Variants in GMDS observed in about 807,000 individuals in gnomAD.
GMDS encodes GDP-mannose 4,6-dehydratase, also known as GDP-mannose 4,6 dehydratase.
In GMDS, 20 loss-of-function variants were observed where a neutral mutation model predicts 49.9. The ratio of observed to expected loss-of-function variants is 0.40; its 90% CI spans 0.28 to 0.58. The LOEUF is 0.58. Ranked by LOEUF, GMDS falls within the 20% of genes least tolerant of loss-of-function variation. The pLI is 0.42. For synonymous variants in GMDS, 177 were observed against 178.6 expected, an observed-to-expected ratio of 0.99 and a Z score of 0.07; for missense variants, 362 against 481.4, an observed-to-expected ratio of 0.75 and a Z score of 2.32.
intron 4 of GMDS, among the ~76,000 whole-genome samples, chr6:2,113,052 C>T (rs1354345486): frequency 1.3e-5 from 2 of 152,168 alleles, no homozygotes; most frequent in Non-Finnish European, 2.9e-5. Context: ...TTTGAAGCTA[C>T]CTTATAGCCT....
intron 9 of GMDS, among the ~76,000 whole-genome samples, chr6:1,708,336 T>C (rs1561746080): frequency 6.6e-6 from 1 of 152,178 alleles, no homozygotes; most frequent in Non-Finnish European, 1.5e-5. Context: ...GCGAAGCGTG[T>C]TTGGAGAAGC....
At chr6:2,209,739 A>G (rs890144583) in intron 1 of GMDS, among the ~76,000 whole-genome samples, 9 of 152,204 alleles carry the variant, frequency 5.9e-5, no homozygotes, top group Non-Finnish European at 1.5e-5. Context: ...GACACGTAAG[A>G]AAAAATAATT....
intron 4 of GMDS, among the ~76,000 whole-genome samples, chr6:2,019,412 A>G (rs573975809): frequency 2.0e-5 from 3 of 151,980 alleles, no homozygotes; most frequent in African/African-American, 7.2e-5. Context: ...ATCTTTCACT[A>G]TTAAGTATGA....
intron 1 of GMDS, among the ~76,000 whole-genome samples, chr6:2,209,045 T>C (rs978144577): frequency 6.6e-6 from 1 of 152,152 alleles, no homozygotes; most frequent in Admixed American, 6.5e-5. Flanking sequence ...ACCTCCTTCA[T>C]GTTAACAGCA....
intron 4 of GMDS, among the ~76,000 whole-genome samples, chr6:2,052,116 C>CAAAAAAAAAAAAAAAAAAAAAA (rs1285013159): frequency 9.2e-4 from 40 of 43,554 alleles, no homozygotes; most frequent in East Asian, 2.6e-3. Context: ...GACTCTGTCT[C>CAAAAAAAAAAAAAAAAAAAAAA]AAAAAAAAAA....
At chr6:2,145,019 G>A (rs1022131643) in intron 1 of GMDS, among the ~76,000 whole-genome samples, 2 of 152,352 alleles carry the variant, frequency 1.3e-5, no homozygotes, top group Non-Finnish European at 1.5e-5. Context: ...CCAGTTGGCT[G>A]CTGTGCCTTG....
chr6:2,219,858 C>T (rs1045939651), intron 1 of GMDS, among the ~76,000 whole-genome samples: 4 of 152,174 alleles, frequency 2.6e-5, no homozygotes, highest in African/African-American at 9.7e-5. Context: ...ATCTGAAAAT[C>T]CAAAATGTCC....
At chr6:1,885,123 T>C (rs1184333845) in intron 7 of GMDS, among the ~76,000 whole-genome samples, 1 of 152,210 alleles carries the variant, frequency 6.6e-6, no homozygotes, top group Non-Finnish European at 1.5e-5. Context: ...AAGCCCTCGT[T>C]ATGGAGAAAC....
At chr6:2,121,433 AAAC>A (rs1377035535) in intron 2 of GMDS, among the ~76,000 whole-genome samples, 2 of 152,192 alleles carry the variant, frequency 1.3e-5, no homozygotes, top group Non-Finnish European at 2.9e-5. Flanking sequence ...TTCAAGAAAC[AAAC>A]AACATTAAAA....
chr6:2,043,505 TGGC>T (rs1282495618), intron 4 of GMDS: 1 of 152,274 alleles, frequency 6.6e-6, no homozygotes, highest in Admixed American at 6.5e-5. Context: ...CAGCAGCCCC[TGGC>T]ACAGAAACAC....
At chr6:2,030,985 T>C (rs1480016464) in intron 4 of GMDS, among the ~76,000 whole-genome samples, 2 of 152,204 alleles carry the variant, frequency 1.3e-5, no homozygotes, top group African/African-American at 2.4e-5. Context: ...CACGTAAAGA[T>C]GATCACATTA....
At position 1,857,844 on chromosome 6, in the gene GMDS, T is replaced by C. The variant is rs965187485; in HGVS notation, c.771+72259A>G. On this transcript the variant is annotated intron_variant, in intron 7 of 10. Transcript: ENST00000380815. ...TGCCACCCTTGTTAGGAACTGCATT[T>C]CTGTGATTATGATCAAAATATACTA... Among the ~76,000 whole-genome samples, 4 of 152,214 alleles carry C rather than the reference T, an allele frequency of 2.6e-5. No homozygotes were observed. The East Asian group carries it at 7.7e-4, about 29-fold the overall frequency.
In GMDS at chr6:1,938,848, G is replaced by A. The variant is rs755500349; in HGVS notation, c.644-8618C>T. On this transcript the variant is annotated intron_variant, in intron 6 of 10. Coordinates refer to ENST00000380815, the MANE Select transcript of GMDS (RefSeq NM_001500.4). ...AATTTTCATCTCTTTGCTCTTATCT[G>A]TAATAGTCTGGGTTAATTTCCGTAT... Among the ~76,000 whole-genome samples, 7 of 151,356 alleles carry A rather than the reference G, an allele frequency of 4.6e-5. No individual in the cohort carries two copies. The South Asian group carries it at 1.0e-3, about 23-fold the overall frequency.
chr6:2,028,607 A>C (rs975213907), intron 4 of GMDS, among the ~76,000 whole-genome samples: 2 of 152,204 alleles, frequency 1.3e-5, no homozygotes, highest in Non-Finnish European at 2.9e-5. Flanking sequence ...AAGAGGAAGC[A>C]CATCTCAGCA....
At chr6:1,737,567 CCACA>C (rs1027854539) in intron 8 of GMDS, among the ~76,000 whole-genome samples, 1 of 146,308 alleles carries the variant, frequency 6.8e-6, no homozygotes, top group Non-Finnish European at 1.5e-5. Context: ...CACACACACA[CCACA>C]CACACAAAAA....
At chr6:1,852,053 G>A (rs759579837) in intron 7 of GMDS, among the ~76,000 whole-genome samples, 2 of 152,230 alleles carry the variant, frequency 1.3e-5, no homozygotes, top group Admixed American at 6.5e-5. Flanking sequence ...GATGCAGAAC[G>A]TGTTTCTGGA....
chr6:1,853,230 TA>T (rs376642140), intron 7 of GMDS, among the ~76,000 whole-genome samples: 77 of 151,396 alleles, frequency 5.1e-4, no homozygotes, highest in African/African-American at 1.8e-3. Flanking sequence ...GAAGATTATA[TA>T]AGGAGGGCCG....
At chr6:1,671,470 T>A (rs1489484170) in intron 9 of GMDS, among the ~76,000 whole-genome samples, 1 of 152,004 alleles carries the variant, frequency 6.6e-6, no homozygotes, top group African/African-American at 2.4e-5. Flanking sequence ...GCTACTCTAC[T>A]AAAGGGCATT....
intron 9 of GMDS, among the ~76,000 whole-genome samples, chr6:1,716,115 G>A: frequency 6.6e-6 from 1 of 152,036 alleles, no homozygotes; most frequent in East Asian, 1.9e-4. Flanking sequence ...TGGAAAATAG[G>A]GAAACATTTC....
Sources: allele counts gnomAD v4.1 joint callset (sites outside exome capture counted in the v4.1 genomes callset), GRCh38; gene constraint gnomAD v4.1.1; transcripts MANE v1.5; gene names NCBI Gene and HGNC (gene_info 2026-07-23, HGNC 2026-07-21).